ZC3H11A: variants seen among roughly 807,000 people sequenced by gnomAD.
ZC3H11A encodes the protein zinc finger CCCH domain-containing protein 11A.
A neutral mutation model predicts 90.8 loss-of-function variants in ZC3H11A; 22 were observed. The ratio of observed to expected loss-of-function variants is 0.24; its 90% CI spans 0.17 to 0.35. ZC3H11A has a LOEUF of 0.35. Ranked by LOEUF, ZC3H11A falls within the 10% of genes least tolerant of loss-of-function variation. ZC3H11A has a pLI of 1.00. For synonymous variants in ZC3H11A, 294 were observed against 339.8 expected (o/e 0.87, Z 1.48); for missense variants, 701 against 964.9 (o/e 0.73, Z 3.62).
rs776828290 is a variant in ZC3H11A at position 203,818,714 on chromosome 1, T to A, written c.174+25T>A. ...TGTAAGTTTTTTATTTCCGTTATCA[T>A]AATAAGTAGTCTGGAGACCTGGTGG... is the stretch of plus-strand genomic sequence containing the variant. On this transcript the variant is annotated intron_variant, in intron 4 of 17. Transcript: ENST00000367210. 2.4e-5 allele frequency: 39 copies of A among 1,613,744 alleles called. No individual in the cohort carries two copies. In the South Asian group the frequency reaches 3.6e-4, roughly 15 times the overall value.
chr1:203,819,424 G>T (rs1040208705), intron 4 of ZC3H11A, among the ~76,000 whole-genome samples: 3 of 150,728 alleles, frequency 2.0e-5, no homozygotes, highest in Admixed American at 6.6e-5. Context: ...GTTTTACCAC[G>T]CAGGCCAGGC....
intron 2 of ZC3H11A, among the ~76,000 whole-genome samples, chr1:203,809,770 A>G (rs1418449700): frequency 1.3e-5 from 2 of 152,088 alleles, no homozygotes; most frequent in African/African-American, 4.8e-5. Context: ...TCTGGCCAAC[A>G]TGGTGAAACC....
chr1:203,849,645 G>C (rs777443334), intron 14 of ZC3H11A, 66 bp from the exon 15 acceptor site: 1 of 1,457,528 alleles, frequency 6.9e-7, no homozygotes. Flanking sequence ...TGTTAGCCTG[G>C]TACTTACATC....
intron 8 of ZC3H11A, among the ~76,000 whole-genome samples, chr1:203,830,943 T>A (rs1213365906): frequency 8.0e-6 from 1 of 125,424 alleles, no homozygotes; most frequent in African/African-American, 3.3e-5. Context: ...TTTTTTTTTT[T>A]TTTTTTTTTT....
chr1:203,801,218 T>C (rs1187535468), intron 1 of ZC3H11A: 1 of 152,204 alleles, frequency 6.6e-6, no homozygotes, highest in East Asian at 1.9e-4. Context: ...GGAATTGTAA[T>C]GAGAGCCCTT....
chr1:203,846,333 A>G (rs1473955818), intron 12 of ZC3H11A, among the ~76,000 whole-genome samples: 3 of 152,164 alleles, frequency 2.0e-5, no homozygotes, highest in African/African-American at 7.2e-5. Flanking sequence ...CAGTTTAGAC[A>G]GATATAGAAC....
chr1:203,816,071 G>A (rs1056380496), intron 2 of ZC3H11A, among the ~76,000 whole-genome samples: 2 of 152,140 alleles, frequency 1.3e-5, no homozygotes, highest in African/African-American at 4.8e-5. Context: ...CTTTTCAGAA[G>A]TAATTGTTTT....
rs1572376216 is a variant in ZC3H11A, at chr1:203,849,833, G to T, written c.1746G>T (p.Arg582=). 9 of 1,614,020 alleles carry T rather than the reference G, an allele frequency of 5.6e-6. No individual in the cohort carries two copies. The African/African-American group carries it at 6.7e-5, about 12-fold the overall frequency. ...EREKSVLTPL[R]GDVASCNTQV... is the part of the protein sequence containing the mutation. ...AAAAATCAGTCTTGACACCTCTTCG[G>T]GGAGATGTAGCCTCTTGCAATACCC... The change falls in exon 15 of 18, where the codon CGG becomes CGT. Residue 582 remains arginine (R), a synonymous_variant. Coordinates refer to ENST00000367210, the MANE Select transcript of ZC3H11A (RefSeq NM_001376342.1).
At chr1:203,838,471 A>C (rs1211906056) in intron 11 of ZC3H11A, among the ~76,000 whole-genome samples, 1 of 152,248 alleles carries the variant, frequency 6.6e-6, no homozygotes, top group Non-Finnish European at 1.5e-5. Context: ...TTCGAGAGCC[A>C]GAGACTGTGT....
At chr1:203,834,452 T>C (rs1683540787) in intron 10 of ZC3H11A, among the ~76,000 whole-genome samples, 1 of 151,900 alleles carries the variant, frequency 6.6e-6, no homozygotes, top group Admixed American at 6.6e-5. Flanking sequence ...TTGTATTTTT[T>C]ATAGTGATAG....
intron 10 of ZC3H11A, among the ~76,000 whole-genome samples, chr1:203,836,257 C>G (rs1032810245): frequency 1.3e-5 from 2 of 152,098 alleles, no homozygotes; most frequent in Non-Finnish European, 2.9e-5. Context: ...TAGAAATGAG[C>G]TGTTTTAACA....
chr1:203,817,363 G>T (rs375154721), intron 3 of ZC3H11A, among the ~76,000 whole-genome samples: 8 of 149,622 alleles, frequency 5.3e-5, no homozygotes, highest in African/African-American at 1.9e-4. Flanking sequence ...GTGGCATGTA[G>T]TCATCATTCA....
intron 2 of ZC3H11A, chr1:203,806,036 G>A (rs1470756862): frequency 3.7e-6 from 2 of 538,312 alleles, no homozygotes; most frequent in Non-Finnish European, 7.2e-6. Flanking sequence ...CGATTGTCCT[G>A]CTGCTGCTCA....
chr1:203,800,423 T>C (rs1177094940), intron 1 of ZC3H11A: 1 of 1,364,628 alleles, frequency 7.3e-7, no homozygotes, highest in Non-Finnish European at 1.0e-6. Context: ...CTGAGCAGAA[T>C]GAAGTTGTTC....
chr1:203,804,754 C>T lies in ZC3H11A; in HGVS notation c.-146+1738C>T, dbSNP rs574046380. 7.3e-5 allele frequency among the ~76,000 whole-genome samples: 11 copies of T among 150,424 alleles called. No homozygotes were observed. The East Asian group carries it at 2.0e-3, about 27-fold the overall frequency. On this transcript the variant is annotated intron_variant, in intron 2 of 17. Transcript: ENST00000367210. ...ATGGTGCTGTCTTGGCTCATTGCAA[C>T]CTCTGCCTTCCAGGTTCAAGTGATT...
chr1:203,815,237 CAG>C (rs1675950785), intron 2 of ZC3H11A, among the ~76,000 whole-genome samples: 1 of 6,140 alleles, frequency 1.6e-4, no homozygotes, highest in African/African-American at 7.5e-4. Context: ...TTTTTTGAGA[CAG>C]TGTCTCGCTC....
intron 8 of ZC3H11A, among the ~76,000 whole-genome samples, chr1:203,831,337 C>A (rs1231769184): frequency 1.3e-5 from 2 of 152,154 alleles, no homozygotes. Context: ...TGGATTGATA[C>A]ACCTGATGGC....
At chr1:203,847,135 A>G (rs1688126888) in intron 12 of ZC3H11A, 49 bp from the exon 13 acceptor site, 2 of 1,594,526 alleles carry the variant, frequency 1.3e-6, no homozygotes, top group Admixed American at 3.5e-5. Flanking sequence ...ATAAGTCAGT[A>G]AGAGATGAAC....
chr1:203,812,560 G>A (rs547843993), intron 2 of ZC3H11A, among the ~76,000 whole-genome samples: 90 of 145,340 alleles, frequency 6.2e-4, no homozygotes, highest in Middle Eastern at 3.6e-3. Flanking sequence ...TCAGTATTTT[G>A]GATTTTAGCC....
Sources: gnomAD v4.1 joint callset for allele counts (sites outside exome capture counted in the v4.1 genomes callset) on GRCh38, gnomAD v4.1.1 for gene constraint, MANE v1.5 for transcripts, NCBI Gene and HGNC (gene_info 2026-07-23, HGNC 2026-07-21) for gene names.